Variants in SPTBN5 observed in about 807,000 individuals in gnomAD.
SPTBN5 encodes spectrin beta chain, non-erythrocytic 5.
A neutral mutation model predicts 477.6 loss-of-function variants in SPTBN5; 513 were observed. That is an observed-to-expected ratio of 1.07 (90% CI 1.00 to 1.16). SPTBN5 has a LOEUF of 1.16. SPTBN5 is among the 50% of genes most tolerant of loss of function. SPTBN5 has a pLI of 0.00. For synonymous variants in SPTBN5, 2,169 were observed against 2,011.7 expected, an observed-to-expected ratio of 1.08 and a Z score of -2.09; for missense variants, 5,062 against 4,731.8, an observed-to-expected ratio of 1.07 and a Z score of -2.05.
In SPTBN5 at chr15:41,882,221, C is replaced by T. The variant is rs1263376162; in HGVS notation, c.2247+48G>A. On this transcript the variant is annotated intron_variant, in intron 11 of 67. Transcript: ENST00000320955. ...GGGCAGGTGCTGGCACCCCCACCCC[C>T]GCCTCGCCGGGCCCCGCCCCCACCC... 5 of 1,347,254 alleles carry T rather than the reference C, an allele frequency of 3.7e-6. No individual in the cohort carries two copies. The East Asian group carries it at 1.4e-4, about 37-fold the overall frequency. 83.5% of individuals were successfully genotyped at this position (1,347,254 alleles called of 1,614,324 possible).
At chr15:41,879,888 C>G in intron 14 of SPTBN5, 24 bp from the exon 15 acceptor site, 1 of 1,613,300 alleles carries the variant, frequency 6.2e-7, no homozygotes, top group Non-Finnish European at 8.5e-7. Flanking sequence ...GGACCCAGCC[C>G]TCTTGGGGGA....
chr15:41,882,600 G>C lies in SPTBN5; in HGVS notation c.2031C>G (p.Ala677=), dbSNP rs1431919651. 6.2e-7 allele frequency: 1 copy of C among 1,603,220 alleles called. No homozygotes were observed. Among genetic ancestry groups the C allele is most frequent in the Admixed American group, 1.7e-5 (1 of 58,682 alleles). ...LGRDLSQIAG[A]LQKHKALEAE... ...GAGCTGACACCTTGTGTTTCTGCAG[G>C]GCGCCTGCGATCTGGCTGAGATCCC... Residue 677 remains alanine, a synonymous_variant, in exon 10 of 68, where the codon GCC becomes GCG. Coordinates refer to ENST00000320955, the MANE Select transcript of SPTBN5 (RefSeq NM_016642.4).
At chr15:41,886,414 C>G (rs762826764) in intron 6 of SPTBN5, 48 bp from the exon 7 acceptor site, 21 of 1,515,622 alleles carry the variant, frequency 1.4e-5, no homozygotes, top group Non-Finnish European at 1.7e-5. Context: ...AGGGCAGGCC[C>G]TGGAATGGGC....
chr15:41,865,927 G>A (rs933322092), intron 38 of SPTBN5, 24 bp from the exon 39 acceptor site: 2 of 1,554,520 alleles, frequency 1.3e-6, no homozygotes, highest in African/African-American at 1.4e-5. Context: ...GGGTGGGGAG[G>A]GAGCGCTGTG....
Position 41,867,064 on chromosome 15 carries a change from G to A in SPTBN5, c.6375C>T (p.Pro2125=). ...LRRPRVRDRL[P]ILLQRRMRVK... The stretch of plus-strand genomic sequence containing the variant: ...CTCTCATCCGGCGCTGCAGCAGGAT[G>A]GGAAGCCGGTCCCGCACCCGGGGGC... Residue 2125 remains proline (P), a synonymous_variant, in exon 36 of 68, where the codon CCC becomes CCT. Coordinates refer to ENST00000320955, the MANE Select transcript of SPTBN5 (RefSeq NM_016642.4). 6.5e-7 allele frequency: 1 copy of A among 1,549,800 alleles called. No homozygotes were observed. Among genetic ancestry groups the A allele is most frequent in the Non-Finnish European group, 8.7e-7 (1 of 1,147,952 alleles).
chr15:41,883,135 G>C lies in SPTBN5; in HGVS notation c.1753C>G (p.His585Asp), dbSNP rs796184667. ...HDLLEAQVSA[H>D]GAHVSHLAQQ... ...GCAAGATGGCTCACATGGGCTCCGT[G>C]GGCCGAGACTTGAGCCTCCAGCAGG... is the stretch of plus-strand genomic sequence containing the variant. The change falls in exon 9 of 68, where the codon CAC (histidine) becomes GAC (aspartate). Residue 585 changes from histidine (H) to aspartate (D), a missense_variant. Transcript: ENST00000320955. The C allele has an allele frequency of 1.2e-6, 2 of 1,612,638 alleles. No homozygotes were observed. Among genetic ancestry groups the C allele is most frequent in the African/African-American group, 2.7e-5 (2 of 75,044 alleles).
Position 41,875,601 on chromosome 15 carries a change from T to C in SPTBN5, c.4144A>G (p.Arg1382Gly). Residue 1382 changes from arginine (R) to glycine (G), a missense_variant, in exon 22 of 68, where the codon AGG (arginine) becomes GGG (glycine). By Grantham distance (125) the Arg-to-Gly change is moderately radical. Transcript: ENST00000320955. ...ATGTCCTCCTGGCCACAGGGCCTCC[T>C]ACTCAACAGCTCTCTCCCAACCTGG... ...LQQVGRELLS[R>G]RPCGQEDIQT... 2.5e-6 allele frequency: 4 copies of C among 1,595,984 alleles called. No individual in the cohort carries two copies. Among genetic ancestry groups the C allele is most frequent in the Non-Finnish European group, 3.4e-6 (4 of 1,171,212 alleles).
rs1219053752 is a variant in SPTBN5 at position 41,850,136 on chromosome 15, C to T, written c.10922-177G>A. ...GCTGAGCACTTGTGGGCAGGTTTTT[C>T]CCCCATGCGTCCTGCCTCTTAGGAA... On this transcript the variant is annotated intron_variant, in intron 66 of 67. Coordinates refer to ENST00000320955, the MANE Select transcript of SPTBN5 (RefSeq NM_016642.4). 6 of 604,482 alleles carry T rather than the reference C, an allele frequency of 9.9e-6. No individual in the cohort carries two copies. In the East Asian group the frequency reaches 1.4e-4, roughly 14 times the overall value. The allele number at this position is 604,482 out of a possible 1,614,324, so 37.4% of individuals were successfully genotyped here.
At position 41,852,866 on chromosome 15, in the gene SPTBN5, C is replaced by G. The variant is rs1365935140; in HGVS notation, c.10305G>C (p.Trp3435Cys). The G allele has an allele frequency of 6.2e-7, 1 of 1,607,890 alleles. No homozygotes were observed. Among genetic ancestry groups the G allele is most frequent in the Non-Finnish European group, 8.5e-7 (1 of 1,176,492 alleles). The change falls in exon 60 of 68, where the codon TGG becomes TGC. Residue 3435 changes from tryptophan to cysteine, a missense_variant. By Grantham distance (215) the Trp-to-Cys change is radical. Transcript: ENST00000320955. ...LRQRLEQAEA[W>C]LACWEGLLLK... Reference sequence around the variant, plus strand: ...GCAGGAGTCCCTCCCAGCAGGCCAGCCAGGCCTCAGCCTGCTCCAGCCTCT... The same window carrying G: ...GCAGGAGTCCCTCCCAGCAGGCCAGGCAGGCCTCAGCCTGCTCCAGCCTCT...
chr15:41,855,475 G>A, intron 54 of SPTBN5, 47 bp from the exon 55 acceptor site: 1 of 1,591,892 alleles, frequency 6.3e-7, no homozygotes, highest in South Asian at 1.1e-5. Context: ...GCCTTTCCAG[G>A]CTGGAGCAGT....
Position 41,860,746 on chromosome 15 carries a change from G to C in SPTBN5, c.7828C>G (p.Pro2610Ala). The C allele has an allele frequency of 2.5e-6, 4 of 1,590,090 alleles. No individual in the cohort carries two copies. The highest frequency in any genetic ancestry group is 3.4e-6 in the Non-Finnish European group (4 of 1,169,324). The change falls in exon 47 of 68, where the codon CCC becomes GCC. Residue 2610 changes from proline to alanine, a missense_variant. By Grantham distance (27) the Pro-to-Ala change is conservative (BLOSUM62 -1). Coordinates refer to ENST00000320955, the MANE Select transcript of SPTBN5 (RefSeq NM_016642.4). ...ASEGLWDPLA[P>A]MEPLLWKHKM... ...TGCTTCCACAGAAGGGGCTCCATGG[G>C]GGCCAAGGGGTCCTGGTGGGAGTGG... is the stretch of plus-strand genomic sequence containing the variant.
intron 39 of SPTBN5, among the ~76,000 whole-genome samples, chr15:41,864,739 T>G (rs2066239368): frequency 6.6e-6 from 1 of 152,236 alleles, no homozygotes; most frequent in Non-Finnish European, 1.5e-5. Flanking sequence ...TCGTCTGAGC[T>G]GAGGCTGGTG....
chr15:41,862,825 C>A lies in SPTBN5; in HGVS notation c.7228G>T (p.Glu2410Ter). ...GCCTGGATGGGGTGCACTTCCCGCT[C>A]CAGCTCCTCGTGTTTCCGCAGCAGC... ...QRLLRKHEELEREVHPIQAQV... is the reference protein window; with the variant it reads ...QRLLRKHEEL The change falls in exon 42 of 68, where the codon GAG becomes TAG. Residue 2410 changes from glutamate (E) to a stop codon, truncating the protein, a stop_gained. Transcript: ENST00000320955. LOFTEE classifies it high-confidence loss of function. The A allele has an allele frequency of 6.3e-7, 1 of 1,586,086 alleles. No individual in the cohort carries two copies. Among genetic ancestry groups the A allele is most frequent in the East Asian group, 2.3e-5 (1 of 43,364 alleles).
intron 16 of SPTBN5, among the ~76,000 whole-genome samples, chr15:41,879,023 G>A (rs564054216): frequency 1.5e-4 from 23 of 152,226 alleles, no homozygotes; most frequent in African/African-American, 5.1e-4. Context: ...CCGAGATCAC[G>A]CCACTGCACT....
At chr15:41,878,256 C>T in intron 17 of SPTBN5, 86 bp downstream of exon 17, 1 of 1,485,462 alleles carries the variant, frequency 6.7e-7, no homozygotes, top group Non-Finnish European at 9.0e-7. Flanking sequence ...CACACTACTT[C>T]CCGCATGCTC....
At chr15:41,875,180 G>A (rs1448169069) in intron 22 of SPTBN5, 124 bp from the exon 23 acceptor site, 5 of 972,430 alleles carry the variant, frequency 5.1e-6, no homozygotes, top group Middle Eastern at 3.1e-4. Context: ...CCCCACCACT[G>A]CCAACCCTCG....
Position 41,857,347 on chromosome 15 carries a change from T to A in SPTBN5, c.8512A>T (p.Lys2838Ter). 6.4e-7 allele frequency: 1 copy of A among 1,572,084 alleles called. No individual in the cohort carries two copies. Among genetic ancestry groups the A allele is most frequent in the Non-Finnish European group, 8.6e-7 (1 of 1,159,020 alleles). ...TQRELEAAVDKKARQAEALLG... is the reference protein window; with the variant it reads ...TQRELEAAVD ...AGTGCCTCAGCCTGCCTGGCCTTCT[T>A]GTCCACTGCTGCCTCCAGCTCCCTC... is the stretch of plus-strand genomic sequence containing the variant. Residue 2838 changes from lysine to a stop codon, truncating the protein, a stop_gained, in exon 51 of 68, where the codon AAG becomes TAG. Transcript: ENST00000320955. LOFTEE classifies it high-confidence loss of function.
Position 41,883,142 on chromosome 15 carries a change from G to A in SPTBN5, c.1746C>T (p.Val582=). 2.5e-6 allele frequency: 4 copies of A among 1,612,756 alleles called. No individual in the cohort carries two copies. The highest frequency in any genetic ancestry group is 3.4e-6 in the Non-Finnish European group (4 of 1,179,774). The part of the protein sequence containing the change: ...LQRHDLLEAQ[V]SAHGAHVSHL... ...GGCTCACATGGGCTCCGTGGGCCGA[G>A]ACTTGAGCCTCCAGCAGGTCATGCC... is the stretch of plus-strand genomic sequence containing the variant. The change falls in exon 9 of 68, where the codon GTC becomes GTT. Residue 582 remains valine (V), a synonymous_variant. Transcript: ENST00000320955.
At chr15:41,890,310 C>T (rs1365456126) in intron 3 of SPTBN5, 105 bp from the exon 4 acceptor site, 1 of 744,192 alleles carries the variant, frequency 1.3e-6, no homozygotes, top group Admixed American at 2.2e-5. Context: ...ATCCTGGAAT[C>T]TATCCTGCCC....
Sources: gnomAD v4.1 joint callset for allele counts (sites outside exome capture counted in the v4.1 genomes callset) on GRCh38, gnomAD v4.1.1 for gene constraint, MANE v1.5 for transcripts, NCBI Gene and HGNC (gene_info 2026-07-23, HGNC 2026-07-21) for gene names.